The following THSD4 variants were observed in gnomAD, a reference collection of about 807,000 sequenced individuals.
The protein encoded by THSD4 is thrombospondin type 1 domain containing 4.
A neutral mutation model predicts 119.0 loss-of-function variants in THSD4; 69 were observed. That is an observed-to-expected ratio of 0.58 (90% CI 0.48 to 0.71). The LOEUF (loss-of-function observed/expected upper bound fraction) is 0.71. THSD4 is among the 30% of genes least tolerant of loss of function. THSD4 has a pLI of 0.00. For missense variants in THSD4, 1,393 were observed against 1,391.1 expected (o/e 1.00, Z -0.02); for synonymous variants, 524 against 540.4 (o/e 0.97, Z 0.42).
rs2043896601 is a variant in THSD4, at chr15:71,212,556, A to G, written c.100-2479A>G. The stretch of plus-strand genomic sequence containing the variant: ...TGAAATCTCCAAATGTGCCAGAAAC[A>G]TATTTCTGCCTTTGTTCGTTTATCC... On this transcript the variant is annotated intron_variant, in intron 3 of 17. Coordinates refer to ENST00000261862, the MANE Select transcript of THSD4 (RefSeq NM_024817.3). 2.0e-5 allele frequency among the ~76,000 whole-genome samples: 3 copies of G among 152,354 alleles called. No homozygotes were observed. The South Asian group carries it at 6.2e-4, about 32-fold the overall frequency.
chr15:71,117,895 A>G (rs2040376333), intron 1 of THSD4, among the ~76,000 whole-genome samples: 1 of 152,214 alleles, frequency 6.6e-6, no homozygotes, highest in Non-Finnish European at 1.5e-5. Context: ...AGACAATATC[A>G]TTGCCTTCAG....
chr15:71,099,155 G>C (rs1366670862), intron 1 of THSD4, among the ~76,000 whole-genome samples: 1 of 152,162 alleles, frequency 6.6e-6, no homozygotes, highest in African/African-American at 2.4e-5. Flanking sequence ...TATTTCTCTG[G>C]CCACAGACCT....
chr15:71,744,424 C>A (rs1054052807), intron 11 of THSD4, among the ~76,000 whole-genome samples: 1 of 152,102 alleles, frequency 6.6e-6, no homozygotes, highest in East Asian at 1.9e-4. Flanking sequence ...GACAAATGCT[C>A]AGATCACTGA....
At chr15:71,451,004 A>G (rs1215042311) in intron 7 of THSD4, among the ~76,000 whole-genome samples, 2 of 152,154 alleles carry the variant, frequency 1.3e-5, no homozygotes, top group East Asian at 1.9e-4. Context: ...ATGGCGAAAC[A>G]CCGTCTCCAC....
At chr15:71,712,042 ACAG>A (rs1329066568) in intron 8 of THSD4, among the ~76,000 whole-genome samples, 2 of 152,196 alleles carry the variant, frequency 1.3e-5, no homozygotes, top group African/African-American at 4.8e-5. Flanking sequence ...ACTCCAACCA[ACAG>A]CAGCAGAACA....
chr15:71,187,917 T>C (rs1169165606), intron 3 of THSD4, among the ~76,000 whole-genome samples: 3 of 152,212 alleles, frequency 2.0e-5, no homozygotes, highest in Non-Finnish European at 4.4e-5. Context: ...GAGAGGGATA[T>C]AAACAGACTT....
At chr15:71,491,646 GAATT>G (rs2047921526) in intron 7 of THSD4, among the ~76,000 whole-genome samples, 1 of 152,074 alleles carries the variant, frequency 6.6e-6, no homozygotes. Context: ...CCCATTGGGA[GAATT>G]AATTGAACCC....
At position 71,602,421 on chromosome 15, in the gene THSD4, C is replaced by T. The variant is rs138688747; in HGVS notation, c.1153-58109C>T. ...ATACAAAATTAGCCAGGTGTGGTGGCGCATGCCTCTAATCCCAGCTACTCA... is the reference window on the plus strand; with the variant it reads ...ATACAAAATTAGCCAGGTGTGGTGGTGCATGCCTCTAATCCCAGCTACTCA... On this transcript the variant is annotated intron_variant, in intron 7 of 17. Transcript: ENST00000261862. 7.1e-3 allele frequency among the ~76,000 whole-genome samples: 1,078 copies of T among 151,418 alleles called. 10 individuals carry two copies. Among genetic ancestry groups the T allele is most frequent in the African/African-American group, 0.024 (983 of 41,098 alleles).
chr15:71,552,599 G>A (rs1487196182), intron 7 of THSD4, among the ~76,000 whole-genome samples: 1 of 152,204 alleles, frequency 6.6e-6, no homozygotes, highest in African/African-American at 2.4e-5. Context: ...TGAGCTTTGG[G>A]TCAATCACTT....
At chr15:71,756,422 G>C (rs1292183776) in intron 14 of THSD4, among the ~76,000 whole-genome samples, 1 of 152,186 alleles carries the variant, frequency 6.6e-6, no homozygotes, top group Non-Finnish European at 1.5e-5. Context: ...GGTAACGGTG[G>C]TGAAGGTGTA....
chr15:71,332,035 G>A (rs1350536927), intron 6 of THSD4, among the ~76,000 whole-genome samples: 1 of 152,094 alleles, frequency 6.6e-6, no homozygotes, highest in Non-Finnish European at 1.5e-5. Context: ...AAGAAGAAGG[G>A]GCAGTTGTAG....
chr15:71,379,620 G>A (rs574024739), intron 6 of THSD4, among the ~76,000 whole-genome samples: 24 of 151,470 alleles, frequency 1.6e-4, no homozygotes, highest in Admixed American at 1.4e-3. Flanking sequence ...CACCATGCCC[G>A]GCTAATTTTT....
At chr15:71,727,091 G>A (rs559284097) in intron 8 of THSD4, among the ~76,000 whole-genome samples, 17 of 151,728 alleles carry the variant, frequency 1.1e-4, no homozygotes, top group African/African-American at 3.4e-4. Context: ...TTCTCCTTTC[G>A]TACCCGCCTC....
At chr15:71,607,543 A>G (rs2050131877) in intron 7 of THSD4, among the ~76,000 whole-genome samples, 1 of 152,234 alleles carries the variant, frequency 6.6e-6, no homozygotes, top group African/African-American at 2.4e-5. Context: ...TCATCACAGC[A>G]CAAAGCATGA....
intron 11 of THSD4, among the ~76,000 whole-genome samples, chr15:71,740,744 AACT>A (rs2053218704): frequency 6.6e-6 from 1 of 152,234 alleles, no homozygotes; most frequent in African/African-American, 2.4e-5. Context: ...GGCAAAACAT[AACT>A]GTTACTACCT....
intron 6 of THSD4, among the ~76,000 whole-genome samples, chr15:71,303,277 A>G (rs984099159): frequency 6.6e-6 from 1 of 152,110 alleles, no homozygotes; most frequent in Non-Finnish European, 1.5e-5. Context: ...AGTGGCTAAC[A>G]CTTCAGGTAG....
chr15:71,218,649 C>T (rs1006441466), intron 4 of THSD4, among the ~76,000 whole-genome samples: 1 of 152,160 alleles, frequency 6.6e-6, no homozygotes, highest in Non-Finnish European at 1.5e-5. Flanking sequence ...CTCCTCCCGG[C>T]TGATGAAAAT....
intron 6 of THSD4, among the ~76,000 whole-genome samples, chr15:71,364,216 G>C (rs2045928307): frequency 6.6e-6 from 1 of 152,198 alleles, no homozygotes; most frequent in South Asian, 2.1e-4. Flanking sequence ...AATCACATGG[G>C]ATGGGAGTCA....
chr15:71,375,429 C>G (rs1030550813), intron 6 of THSD4, among the ~76,000 whole-genome samples: 1 of 152,282 alleles, frequency 6.6e-6, no homozygotes, highest in Admixed American at 6.5e-5. Context: ...TATGCTTCTC[C>G]CCTCCCATCA....
Sources: gnomAD v4.1 joint callset for allele counts (sites outside exome capture counted in the v4.1 genomes callset) on GRCh38, gnomAD v4.1.1 for gene constraint, MANE v1.5 for transcripts, NCBI Gene and HGNC (gene_info 2026-07-23, HGNC 2026-07-21) for gene names.